Variants in PTPRM observed in about 807,000 individuals in gnomAD.
PTPRM encodes protein tyrosine phosphatase receptor type M.
Under a neutral mutation model 186.7 loss-of-function variants are expected in PTPRM, and 47 were observed. The observed-to-expected ratio is 0.25, with a 90% confidence interval of 0.20 to 0.32. The LOEUF is 0.32. PTPRM is among the 10% of genes least tolerant of loss of function. The pLI, the probability that PTPRM is intolerant of heterozygous loss-of-function variation, is 1.00. For missense variants in PTPRM, 1,494 were observed against 1,865.0 expected, an observed-to-expected ratio of 0.80 and a Z score of 3.66; for synonymous variants, 668 against 674.9, an observed-to-expected ratio of 0.99 and a Z score of 0.16.
At chr18:7,842,957 G>C (rs1174055155) in intron 2 of PTPRM, among the ~76,000 whole-genome samples, 1 of 137,652 alleles carries the variant, frequency 7.3e-6, no homozygotes, top group Non-Finnish European at 1.5e-5. Context: ...TAGAGAGAGA[G>C]AGAGAGAGAG....
chr18:7,699,272 A>C (rs2039909595), intron 1 of PTPRM, among the ~76,000 whole-genome samples: 1 of 152,126 alleles, frequency 6.6e-6, no homozygotes, highest in Non-Finnish European at 1.5e-5. Flanking sequence ...TTAAATACTC[A>C]TTAGGGTAGT....
Position 8,244,041 on chromosome 18 carries a change from G to A in PTPRM, c.2301-17G>A. 6.2e-7 allele frequency: 1 copy of A among 1,601,682 alleles called. No individual in the cohort carries two copies. The highest frequency in any genetic ancestry group is 2.2e-5 in the East Asian group (1 of 44,572). ...CGTTCAAATGCATGCCTACATAATT[G>A]AATTCTTTATCCTAAGGAAACTGGC... On this transcript the variant is annotated splice_polypyrimidine_tract_variant and intron_variant, in intron 14 of 32. Coordinates refer to ENST00000580170, the MANE Select transcript of PTPRM (RefSeq NM_001105244.2).
chr18:8,001,878 CAT>C (rs2083894972), intron 7 of PTPRM, among the ~76,000 whole-genome samples: 1 of 152,204 alleles, frequency 6.6e-6, no homozygotes, highest in African/African-American at 2.4e-5. Context: ...AATGTTAAGA[CAT>C]AGATTTATGG....
chr18:8,024,321 C>T (rs1256548242), intron 7 of PTPRM, among the ~76,000 whole-genome samples: 3 of 152,022 alleles, frequency 2.0e-5, no homozygotes, highest in Non-Finnish European at 1.5e-5. Context: ...GGTTGATCTC[C>T]GTCATTAGTT....
At chr18:7,730,422 A>G (rs1007189036) in intron 1 of PTPRM, among the ~76,000 whole-genome samples, 4 of 152,114 alleles carry the variant, frequency 2.6e-5, no homozygotes, top group African/African-American at 9.7e-5. Context: ...TAGTGTTTTC[A>G]TGAGGTAGCA....
chr18:8,227,366 A>C (rs567139735), intron 14 of PTPRM, among the ~76,000 whole-genome samples: 1 of 143,746 alleles, frequency 7.0e-6, no homozygotes, highest in African/African-American at 2.7e-5. Context: ...CTGAACAAAC[A>C]GGAAGTATTT....
rs1555676946 is a variant in PTPRM at position 7,984,602 on chromosome 18, TAC to T, written c.1132+29214_1132+29215del. On this transcript the variant is annotated intron_variant, in intron 7 of 32. Transcript: ENST00000580170. Reference sequence around the variant, plus strand: ...ATATATATATATATATATATATATATACACACACACACACACACACACACACA... The same window carrying T: ...ATATATATATATATATATATATATATACACACACACACACACACACACACA... Among the ~76,000 whole-genome samples, 347 of 87,106 alleles carry T rather than the reference TAC, an allele frequency of 4.0e-3. 1 individual carries two copies. Among genetic ancestry groups the T allele is most frequent in the African/African-American group, 0.012 (244 of 20,338 alleles). The allele number at this position is 87,106 out of a possible 152,430, so 57.1% of individuals were successfully genotyped here.
chr18:8,338,645 A>G (rs993748060), intron 22 of PTPRM, among the ~76,000 whole-genome samples: 2 of 152,222 alleles, frequency 1.3e-5, no homozygotes, highest in Non-Finnish European at 2.9e-5. Flanking sequence ...GGGGGTGAGC[A>G]ATAGGACCTA....
intron 1 of PTPRM, among the ~76,000 whole-genome samples, chr18:7,626,262 C>T (rs1191888542): frequency 6.6e-6 from 1 of 152,222 alleles, no homozygotes; most frequent in African/African-American, 2.4e-5. Context: ...AAATGCCCTT[C>T]CCTCTGTGAG....
chr18:8,373,051 G>A (rs938921660), intron 24 of PTPRM, among the ~76,000 whole-genome samples: 9 of 152,188 alleles, frequency 5.9e-5, no homozygotes, highest in Non-Finnish European at 8.8e-5. Context: ...AAGAGGTGGT[G>A]GAGGGAAGAG....
intron 1 of PTPRM, among the ~76,000 whole-genome samples, chr18:7,621,841 A>G (rs576120996): frequency 6.6e-6 from 1 of 152,286 alleles, no homozygotes; most frequent in South Asian, 2.1e-4. Flanking sequence ...CATCATCTGT[A>G]TGTACCACAG....
rs566118616 is a variant in PTPRM, at chr18:7,926,349, A to C, written c.548-219A>C. 8.5e-5 allele frequency among the ~76,000 whole-genome samples: 13 copies of C among 152,322 alleles called. No homozygotes were observed. In the South Asian group the frequency reaches 2.7e-3, roughly 32 times the overall value. On this transcript the variant is annotated intron_variant, in intron 4 of 32. Transcript: ENST00000580170. ...CCTTTCTGTTTCATTCTATTCCAGA[A>C]TGCTTGGCTTTTTGTTATTCTTTTA...
chr18:7,693,387 G>A (rs1462940735), intron 1 of PTPRM, among the ~76,000 whole-genome samples: 2 of 152,102 alleles, frequency 1.3e-5, no homozygotes. Context: ...AATAGGATTG[G>A]AAACCAGACC....
intron 1 of PTPRM, among the ~76,000 whole-genome samples, chr18:7,673,645 A>G (rs1471664782): frequency 5.9e-5 from 9 of 152,162 alleles, no homozygotes; most frequent in Admixed American, 5.9e-4. Flanking sequence ...ATCACATATT[A>G]CTTGTTTTTC....
chr18:8,343,273 A>AT, intron 22 of PTPRM, 150 bp from the exon 23 acceptor site: 3 of 519,304 alleles, frequency 5.8e-6, no homozygotes, highest in Non-Finnish European at 9.9e-6. Flanking sequence ...TAGAAAGAGT[A>AT]TCTTTTTGCA....
At chr18:7,747,454 T>C (rs563547438) in intron 1 of PTPRM, 10 of 152,254 alleles carry the variant, frequency 6.6e-5, no homozygotes, top group Non-Finnish European at 1.0e-4. Context: ...ACAGCAGAAA[T>C]TGATTGTCTC....
intron 1 of PTPRM, among the ~76,000 whole-genome samples, chr18:7,642,468 T>C (rs2038466185): frequency 6.6e-6 from 1 of 152,124 alleles, no homozygotes; most frequent in Non-Finnish European, 1.5e-5. Context: ...CTGGATGAGA[T>C]AGAAGTTAGA....
At chr18:8,323,329 G>A (rs747952828) in intron 22 of PTPRM, among the ~76,000 whole-genome samples, 2 of 152,068 alleles carry the variant, frequency 1.3e-5, no homozygotes, top group Non-Finnish European at 2.9e-5. Flanking sequence ...GCTCAGGCCT[G>A]GTGTGGTCTT....
chr18:8,165,694 G>A (rs1374536478), intron 14 of PTPRM, among the ~76,000 whole-genome samples: 4 of 152,110 alleles, frequency 2.6e-5, no homozygotes, highest in Admixed American at 6.5e-5. Flanking sequence ...CAGGCCAGTC[G>A]CTTCCATGGC....
Sources: gnomAD v4.1 joint callset for allele counts (sites outside exome capture counted in the v4.1 genomes callset) on GRCh38, gnomAD v4.1.1 for gene constraint, MANE v1.5 for transcripts, NCBI Gene and HGNC (gene_info 2026-07-23, HGNC 2026-07-21) for gene names.